The following TMPRSS4 variants were observed in gnomAD, a reference collection of about 807,000 sequenced individuals.
TMPRSS4 encodes transmembrane protease serine 4.
TMPRSS4 carries 45 observed loss-of-function variants against 56.4 expected under a neutral mutation model. That is an observed-to-expected ratio of 0.80 (90% CI 0.63 to 1.02). The LOEUF is 1.02. Among genes scored for constraint, TMPRSS4 ranks in the 50% least tolerant of loss-of-function variants. The pLI, the probability that TMPRSS4 is intolerant of heterozygous loss-of-function variation, is 0.00. For missense variants in TMPRSS4, 546 were observed against 556.7 expected (o/e 0.98, Z 0.19); for synonymous variants, 205 against 211.0 (o/e 0.97, Z 0.25).
intron 2 of TMPRSS4, chr11:118,095,082 C>T: frequency 1.7e-6 from 1 of 575,560 alleles, no homozygotes; most frequent in East Asian, 3.0e-5. Flanking sequence ...ACCTAAAATC[C>T]CCAAAGCAAT....
chr11:118,103,072 C>T, intron 3 of TMPRSS4, 29 bp from the exon 4 acceptor site: 1 of 1,612,586 alleles, frequency 6.2e-7, no homozygotes, highest in Non-Finnish European at 8.5e-7. Context: ...CCTCAGCCCT[C>T]TCTGCCTCTC....
At chr11:118,079,615 G>A (rs551298478) in intron 1 of TMPRSS4, among the ~76,000 whole-genome samples, 5 of 152,316 alleles carry the variant, frequency 3.3e-5, no homozygotes, top group South Asian at 2.1e-4. Flanking sequence ...GCCACCAGAC[G>A]TGGGTGTTAA....
At chr11:118,094,743 A>G in intron 1 of TMPRSS4, 73 bp from the exon 2 acceptor site, 2 of 1,431,390 alleles carry the variant, frequency 1.4e-6, no homozygotes, top group South Asian at 2.4e-5. Context: ...ACAAGACCCA[A>G]GAACCTCCCG....
chr11:118,107,794 T>G lies in TMPRSS4; in HGVS notation c.461T>G (p.Val154Gly), dbSNP rs771965058. 1 of 1,614,032 alleles carries G rather than the reference T, an allele frequency of 6.2e-7. No individual in the cohort carries two copies. The highest frequency in any genetic ancestry group is 8.5e-7 in the Non-Finnish European group (1 of 1,179,982). ...GYSSKPTFRA[V>G]EIGPDQDLDV... is the part of the protein sequence containing the mutation. ...AGCAGCAAACCCACTTTCAGAGCTGTGGAGATTGGCCCAGACCAGGATCTG... is the reference window on the plus strand; with the variant it reads ...AGCAGCAAACCCACTTTCAGAGCTGGGGAGATTGGCCCAGACCAGGATCTG... The change falls in exon 6 of 13, where the codon GTG becomes GGG. Residue 154 changes from valine (V) to glycine (G), a missense_variant. By Grantham distance (109) the Val-to-Gly change is moderately radical (BLOSUM62 -3). Coordinates refer to ENST00000437212, the MANE Select transcript of TMPRSS4 (RefSeq NM_019894.4).
Position 118,077,362 on chromosome 11 carries a change from G to A in TMPRSS4, c.3+57G>A, listed in dbSNP as rs949641828. 5.2e-6 allele frequency: 8 copies of A among 1,541,214 alleles called. No individual in the cohort carries two copies. In the African/African-American group the frequency reaches 6.9e-5, roughly 13 times the overall value. On this transcript the variant is annotated intron_variant, in intron 1 of 12. Coordinates refer to ENST00000437212, the MANE Select transcript of TMPRSS4 (RefSeq NM_019894.4). ...AGGAAGGGTGGGTCTCCCCATGTAA[G>A]GCCCTTCAAGCAGCCTGAGCATCCA...
chr11:118,085,095 T>C (rs10750123), intron 1 of TMPRSS4, among the ~76,000 whole-genome samples: 53,466 of 152,082 alleles, frequency 0.35, 9,910 homozygotes, highest in South Asian at 0.52. Flanking sequence ...CCTTACAGAA[T>C]CTTTCTCCCC....
At chr11:118,094,975 G>C (rs993418667) in intron 2 of TMPRSS4, 120 bp downstream of exon 2, 1 of 1,002,352 alleles carries the variant, frequency 1.0e-6, no homozygotes, top group Non-Finnish European at 1.5e-6. Context: ...AGTGCCATGA[G>C]TGACATCCAG....
At chr11:118,110,456 C>T (rs1947222704) in intron 7 of TMPRSS4, among the ~76,000 whole-genome samples, 2 of 152,020 alleles carry the variant, frequency 1.3e-5, no homozygotes, top group Non-Finnish European at 2.9e-5. Context: ...ATTCTCCTGC[C>T]TCAGCCCCCT....
At chr11:118,088,820 T>C (rs1483353649) in intron 1 of TMPRSS4, among the ~76,000 whole-genome samples, 1 of 152,234 alleles carries the variant, frequency 6.6e-6, no homozygotes, top group Non-Finnish European at 1.5e-5. Flanking sequence ...CATGTGTTGT[T>C]TGGTGACCTC....
intron 5 of TMPRSS4, 130 bp from the exon 6 acceptor site, chr11:118,107,638 ACCATCT>A (rs1947059189): frequency 1.5e-6 from 1 of 667,978 alleles, no homozygotes; most frequent in South Asian, 2.0e-5. Flanking sequence ...ACTGACTAAG[ACCATCT>A]CCACTCCCTG....
intron 1 of TMPRSS4, among the ~76,000 whole-genome samples, chr11:118,080,624 C>T (rs1945052520): frequency 6.6e-6 from 1 of 152,140 alleles, no homozygotes; most frequent in Non-Finnish European, 1.5e-5. Context: ...TAGCCCAGAC[C>T]CATGCCAAAG....
At chr11:118,083,910 C>A (rs1470529638) in intron 1 of TMPRSS4, among the ~76,000 whole-genome samples, 1 of 151,884 alleles carries the variant, frequency 6.6e-6, no homozygotes. Flanking sequence ...TGGTGGCAGA[C>A]GCCTGTAATC....
intron 2 of TMPRSS4, among the ~76,000 whole-genome samples, chr11:118,096,636 G>A (rs1279634550): frequency 2.6e-5 from 4 of 151,538 alleles, no homozygotes; most frequent in South Asian, 2.1e-4. Flanking sequence ...AAATACCAAC[G>A]TTAACTGGGT....
intron 4 of TMPRSS4, among the ~76,000 whole-genome samples, chr11:118,103,865 T>C (rs1046322832): frequency 5.3e-5 from 8 of 152,350 alleles, no homozygotes; most frequent in African/African-American, 1.9e-4. Flanking sequence ...CTGGGTGACC[T>C]TGGGGCATTC....
At chr11:118,091,368 G>A (rs531529943) in intron 1 of TMPRSS4, among the ~76,000 whole-genome samples, 4 of 152,026 alleles carry the variant, frequency 2.6e-5, no homozygotes, top group South Asian at 2.1e-4. Context: ...AAGATCCTCC[G>A]TAACCATCCT....
At chr11:118,117,523 C>A in intron 12 of TMPRSS4, 69 bp downstream of exon 12, 1 of 1,542,336 alleles carries the variant, frequency 6.5e-7, no homozygotes, top group East Asian at 2.3e-5. Context: ...CCAATCCATC[C>A]TCAGGTTTGA....
At chr11:118,079,377 C>T (rs1199050442) in intron 1 of TMPRSS4, among the ~76,000 whole-genome samples, 8 of 152,024 alleles carry the variant, frequency 5.3e-5, no homozygotes, top group Admixed American at 6.6e-5. Flanking sequence ...TGAGCTGCTG[C>T]GTCTTAATGA....
downstream of TMPRSS4, among the ~76,000 whole-genome samples, chr11:118,123,711 A>C (rs150206010): frequency 0.057 from 8,661 of 152,050 alleles, 760 homozygotes; most frequent in African/African-American, 0.19. Flanking sequence ...TTTTTAGTAG[A>C]GACGGGGTTT....
chr11:118,081,751 G>A (rs367845986), intron 1 of TMPRSS4, among the ~76,000 whole-genome samples: 2 of 152,028 alleles, frequency 1.3e-5, no homozygotes, highest in Non-Finnish European at 2.9e-5. Context: ...AAATCTGTAT[G>A]CATTCATTCA....
Sources: allele counts gnomAD v4.1 joint callset (sites outside exome capture counted in the v4.1 genomes callset), GRCh38; gene constraint gnomAD v4.1.1; transcripts MANE v1.5; gene names NCBI Gene and HGNC (gene_info 2026-07-23, HGNC 2026-07-21).